The following ARHGEF10 variants were observed in gnomAD, a reference collection of about 807,000 sequenced individuals.
ARHGEF10 encodes the protein Rho guanine nucleotide exchange factor 10, also known as Rho guanine nucleotide exchange factor (GEF) 10.
Under a neutral mutation model 147.4 loss-of-function variants are expected in ARHGEF10, and 140 were observed. That is an observed-to-expected ratio of 0.95 (90% CI 0.83 to 1.09). The LOEUF is 1.09. Ranked by LOEUF, ARHGEF10 falls within the 50% of genes least tolerant of loss-of-function variation. ARHGEF10 has a pLI of 0.00. For missense variants in ARHGEF10, 2,222 were observed against 1,752.7 expected, an observed-to-expected ratio of 1.27 and a Z score of -4.78; for synonymous variants, 902 against 695.8, an observed-to-expected ratio of 1.30 and a Z score of -4.67.
At chr8:1,923,415 A>G in intron 19 of ARHGEF10, 53 bp from the exon 20 acceptor site, 5 of 1,611,030 alleles carry the variant, frequency 3.1e-6, no homozygotes, top group Non-Finnish European at 4.2e-6. Flanking sequence ...CTTCCTTGGG[A>G]TGGCCCTAGT....
chr8:1,866,815 G>A (rs1436999943), intron 6 of ARHGEF10, among the ~76,000 whole-genome samples: 3 of 152,160 alleles, frequency 2.0e-5, no homozygotes, highest in South Asian at 2.1e-4. Flanking sequence ...AGCTCTCCAC[G>A]TCCACGCACT....
At chr8:1,873,714 A>C (rs1172483640) in intron 7 of ARHGEF10, among the ~76,000 whole-genome samples, 2 of 144,100 alleles carry the variant, frequency 1.4e-5, no homozygotes, top group Non-Finnish European at 3.0e-5. Flanking sequence ...GGGGTAGTGC[A>C]CTCGCATTTC....
intron 10 of ARHGEF10, among the ~76,000 whole-genome samples, chr8:1,883,054 T>G (rs1808353523): frequency 6.6e-6 from 1 of 152,186 alleles, no homozygotes; most frequent in South Asian, 2.1e-4. Flanking sequence ...AGTATTGGAC[T>G]CTGTATTTAT....
At chr8:1,832,689 CAGAG>C (rs140894018) in intron 1 of ARHGEF10, among the ~76,000 whole-genome samples, 1 of 35,678 alleles carries the variant, frequency 2.8e-5, no homozygotes, top group Admixed American at 2.6e-4. Flanking sequence ...GAGACAGAGA[CAGAG>C]AGACAGGCAG....
At chr8:1,834,174 C>T (rs1803440396) in intron 1 of ARHGEF10, among the ~76,000 whole-genome samples, 1 of 152,224 alleles carries the variant, frequency 6.6e-6, no homozygotes, top group Non-Finnish European at 1.5e-5. Context: ...GCTGCTTGTC[C>T]CCTCCCCAGC....
intron 27 of ARHGEF10, among the ~76,000 whole-genome samples, chr8:1,950,901 G>A (rs1263339345): frequency 6.6e-6 from 1 of 151,994 alleles, no homozygotes; most frequent in African/African-American, 2.4e-5. Flanking sequence ...TTAAATGCAA[G>A]CTTTGGCCAG....
At position 1,926,372 on chromosome 8, in the gene ARHGEF10, T is replaced by G; in HGVS notation, c.2611-5T>G. On this transcript the variant is annotated splice_region_variant and splice_polypyrimidine_tract_variant and intron_variant, in intron 22 of 28. Coordinates refer to ENST00000349830, the MANE Select transcript of ARHGEF10 (RefSeq NM_014629.4). ...ATGTGAGCGTTTGATTTTATTCCAT[T>G]TTAGATTGAATGTGCTGCTTATAAC... The G allele has an allele frequency of 6.2e-7, 1 of 1,612,916 alleles. No individual in the cohort carries two copies. The highest frequency in any genetic ancestry group is 8.5e-7 in the Non-Finnish European group (1 of 1,178,842).
At chr8:1,895,617 A>G (rs1001473814) in intron 13 of ARHGEF10, among the ~76,000 whole-genome samples, 2 of 152,104 alleles carry the variant, frequency 1.3e-5, no homozygotes, top group Non-Finnish European at 2.9e-5. Context: ...ACTGTTCTTT[A>G]AATACCTACC....
At chr8:1,848,155 T>G (rs1197742259) in intron 2 of ARHGEF10, among the ~76,000 whole-genome samples, 1 of 152,272 alleles carries the variant, frequency 6.6e-6, no homozygotes, top group African/African-American at 2.4e-5. Context: ...TCTATGCGTC[T>G]TCTTTTGCAT....
At chr8:1,923,445 G>A in intron 19 of ARHGEF10, 23 bp from the exon 20 acceptor site, 1 of 1,614,094 alleles carries the variant, frequency 6.2e-7, no homozygotes, top group Non-Finnish European at 8.5e-7. Flanking sequence ...CTTTTGAAAT[G>A]TGCGTATTTA....
chr8:1,956,801 C>T lies in ARHGEF10; in HGVS notation c.3573C>T (p.Val1191=). ...HAHNSPVKFI[V]LATALHEKDK... ...ACAACAGTCCTGTCAAATTCATCGT[C>T]CTGGCCACGGCTCTGCACGAGAAAG... Residue 1191 remains valine, a synonymous_variant, in exon 29 of 29, where the codon GTC becomes GTT. Coordinates refer to ENST00000349830, the MANE Select transcript of ARHGEF10 (RefSeq NM_014629.4). 2.5e-6 allele frequency: 4 copies of T among 1,614,078 alleles called. No individual in the cohort carries two copies. The highest frequency in any genetic ancestry group is 3.4e-6 in the Non-Finnish European group (4 of 1,180,038).
At chr8:1,943,004 TA>T (rs955412608) in intron 26 of ARHGEF10, among the ~76,000 whole-genome samples, 3 of 152,196 alleles carry the variant, frequency 2.0e-5, no homozygotes, top group African/African-American at 7.2e-5. Context: ...CCGAATATAC[TA>T]AAAAGCACAG....
Position 1,928,651 on chromosome 8 carries a change from G to T in ARHGEF10, c.2921+1G>T. 6.2e-7 allele frequency: 1 copy of T among 1,614,056 alleles called. No individual in the cohort carries two copies. Among genetic ancestry groups the T allele is most frequent in the Non-Finnish European group, 8.5e-7 (1 of 1,180,028 alleles). Reference sequence around the variant, plus strand: ...TCTGTGTAGGGACGGAGGAGGGAAGGTAGGGCATGCTCACTGCGTTACAGA... The same window carrying T: ...TCTGTGTAGGGACGGAGGAGGGAAGTTAGGGCATGCTCACTGCGTTACAGA... On this transcript the variant is annotated splice_donor_variant, in intron 24 of 28. Transcript: ENST00000349830. LOFTEE classifies it high-confidence loss of function.
chr8:1,872,626 TATCTC>T (rs1431110302), intron 7 of ARHGEF10, among the ~76,000 whole-genome samples: 4 of 152,210 alleles, frequency 2.6e-5, no homozygotes, highest in Admixed American at 6.5e-5. Context: ...CCCATATGCT[TATCTC>T]AGCATGTGTT....
In ARHGEF10 at chr8:1,843,373, G is replaced by C. The variant is rs779622901; in HGVS notation, c.-27G>C. 1 of 1,612,718 alleles carries C rather than the reference G, an allele frequency of 6.2e-7. No individual in the cohort carries two copies. The highest frequency in any genetic ancestry group is 1.3e-5 in the African/African-American group (1 of 74,914). On this transcript the variant is annotated 5_prime_UTR_variant, in exon 2 of 29. Coordinates refer to ENST00000349830, the MANE Select transcript of ARHGEF10 (RefSeq NM_014629.4). ...TGCAGGAGCTCCTTCCCTTAACAGA[G>C]CTGAGAGAGGCATCTGGAGCTGCAG...
intron 7 of ARHGEF10, chr8:1,876,050 T>G (rs1331389048): frequency 1.8e-5 from 3 of 167,818 alleles, no homozygotes; most frequent in African/African-American, 7.2e-5. Context: ...GTCACAGCAT[T>G]GAAAATTTAA....
chr8:1,922,761 C>T (rs1301344970), intron 18 of ARHGEF10, among the ~76,000 whole-genome samples: 2 of 152,166 alleles, frequency 1.3e-5, no homozygotes, highest in African/African-American at 2.4e-5. Flanking sequence ...CTCTTTGCAA[C>T]TTTTCCATCT....
At chr8:1,853,191 C>T (rs1805279014) in intron 2 of ARHGEF10, among the ~76,000 whole-genome samples, 1 of 152,196 alleles carries the variant, frequency 6.6e-6, no homozygotes, top group South Asian at 2.1e-4. Flanking sequence ...CTCTCAGAAC[C>T]TGCCGTCCTG....
chr8:1,890,136 GGGT>G (rs1377587689), intron 11 of ARHGEF10, among the ~76,000 whole-genome samples: 97 of 29,974 alleles, frequency 3.2e-3, no homozygotes, highest in Non-Finnish European at 5.3e-3. Context: ...AAACGGAGTG[GGGT>G]GAGGGTTTGT....
Sources: gnomAD v4.1 joint callset for allele counts (sites outside exome capture counted in the v4.1 genomes callset) on GRCh38, gnomAD v4.1.1 for gene constraint, MANE v1.5 for transcripts, NCBI Gene and HGNC (gene_info 2026-07-23, HGNC 2026-07-21) for gene names.